The following PKIG variants were observed in gnomAD, a reference collection of about 807,000 sequenced individuals.
The protein encoded by PKIG is cAMP-dependent protein kinase inhibitor gamma, also known as protein kinase (cAMP-dependent, catalytic) inhibitor gamma.
A neutral mutation model predicts 6.8 loss-of-function variants in PKIG; 1 was observed. That is an observed-to-expected ratio of 0.15 (90% confidence interval 0.05 to 0.69). The LOEUF (loss-of-function observed/expected upper bound fraction) is 0.69. Ranked by LOEUF, PKIG falls within the 30% of genes least tolerant of loss-of-function variation. PKIG has a pLI of 0.82. For missense variants in PKIG, 77 were observed against 104.0 expected (o/e 0.74, Z 1.13); for synonymous variants, 39 against 43.0 (o/e 0.91, Z 0.36).
intron 2 of PKIG, among the ~76,000 whole-genome samples, chr20:44,610,452 GTCTCTCTCTT>G (rs1451965371): frequency 1.5e-5 from 2 of 136,234 alleles, no homozygotes; most frequent in Non-Finnish European, 3.1e-5. Flanking sequence ...CCTCTTCTCT[GTCTCTCTCTT>G]TCTCTCTCTC....
At chr20:44,603,468 G>A (rs548376614) in intron 2 of PKIG, among the ~76,000 whole-genome samples, 3 of 152,198 alleles carry the variant, frequency 2.0e-5, no homozygotes, top group African/African-American at 7.2e-5. Flanking sequence ...AACAAAGCTG[G>A]GCTGGACGAG....
At chr20:44,568,538 C>G (rs999871479) in intron 1 of PKIG, among the ~76,000 whole-genome samples, 1 of 151,968 alleles carries the variant, frequency 6.6e-6, no homozygotes, top group African/African-American at 2.4e-5. Flanking sequence ...ACAACCTCTG[C>G]CGCCTGGTTT....
chr20:44,560,688 A>G (rs904131949), intron 1 of PKIG, among the ~76,000 whole-genome samples: 1 of 152,182 alleles, frequency 6.6e-6, no homozygotes, highest in Admixed American at 6.5e-5. Context: ...AACTAAGCCA[A>G]CCCTCACAAT....
At chr20:44,577,053 A>G (rs1454478342) in intron 1 of PKIG, among the ~76,000 whole-genome samples, 1 of 152,090 alleles carries the variant, frequency 6.6e-6, no homozygotes, top group Non-Finnish European at 1.5e-5. Context: ...TGTGGGTTTG[A>G]TTCCCCATCC....
intron 1 of PKIG, among the ~76,000 whole-genome samples, chr20:44,553,821 A>G (rs1359298928): frequency 6.6e-6 from 1 of 152,126 alleles, no homozygotes; most frequent in East Asian, 1.9e-4. Flanking sequence ...AGGAAAAGGC[A>G]CCCAAGCTGA....
At chr20:44,604,261 A>G (rs894933274) in intron 2 of PKIG, among the ~76,000 whole-genome samples, 3 of 152,240 alleles carry the variant, frequency 2.0e-5, no homozygotes, top group African/African-American at 4.8e-5. Context: ...GTTACGGGTA[A>G]TAGGTTTTTG....
intron 1 of PKIG, among the ~76,000 whole-genome samples, chr20:44,536,818 T>C (rs2064516352): frequency 6.6e-6 from 1 of 152,260 alleles, no homozygotes. Flanking sequence ...CTTCTGTTAA[T>C]TTCCTTTTAT....
intron 1 of PKIG, among the ~76,000 whole-genome samples, chr20:44,584,887 C>G (rs2064977520): frequency 6.6e-6 from 1 of 152,034 alleles, no homozygotes. Context: ...CCACGCCCAG[C>G]TAATTTTTGT....
intron 1 of PKIG, among the ~76,000 whole-genome samples, chr20:44,560,365 C>T (rs988813506): frequency 6.6e-6 from 1 of 152,174 alleles, no homozygotes; most frequent in Admixed American, 6.6e-5. Flanking sequence ...TGGCTTTTAA[C>T]TTACAAGATA....
Position 44,534,615 on chromosome 20 carries a change from C to T in PKIG, c.-241+2637C>T, listed in dbSNP as rs185402114. On this transcript the variant is annotated intron_variant, in intron 1 of 4. Coordinates refer to the PKIG transcript ENST00000372887. ...CCCCAAGTAGCTGGGAATACAGGTG[C>T]GAGCCACCACACTCAGCTAATTTTT... 6.6e-5 allele frequency among the ~76,000 whole-genome samples: 10 copies of T among 151,904 alleles called. No homozygotes were observed. In the East Asian group the frequency reaches 9.7e-4, roughly 15 times the overall value.
chr20:44,575,599 G>A (rs1490335213), intron 1 of PKIG, among the ~76,000 whole-genome samples: 1 of 152,164 alleles, frequency 6.6e-6, no homozygotes. Context: ...GTACTGGAAG[G>A]GTACTAAGGT....
At chr20:44,548,711 C>A (rs969928187) in intron 1 of PKIG, among the ~76,000 whole-genome samples, 5 of 152,110 alleles carry the variant, frequency 3.3e-5, no homozygotes, top group African/African-American at 1.2e-4. Context: ...GCTCTGTCAT[C>A]CACACATCAC....
At position 44,614,655 on chromosome 20, in the gene PKIG, G is replaced by C. The variant is rs751246910; in HGVS notation, c.99G>C (p.Val33=). 1 of 1,614,062 alleles carries C rather than the reference G, an allele frequency of 6.2e-7. No individual in the cohort carries two copies. Among genetic ancestry groups the C allele is most frequent in the South Asian group, 1.1e-5 (1 of 91,078 alleles). The change falls in exon 3 of 4, where the codon GTG becomes GTC. Residue 33 remains valine (V), a synonymous_variant. Transcript: ENST00000372886. This position sits in a 1 kb window ranked among gnomAD's most constrained non-coding sequence, Gnocchi z 4.6. ...ACATCCAGGGAGACTCAGAGGCTGT[G>C]AGCGTGAGGAAGCTGGCTGGAGACA... The part of the protein sequence containing the change: ...VPDIQGDSEA[V]SVRKLAGDMG...
At chr20:44,578,468 C>T (rs1180631384), upstream of PKIG, among the ~76,000 whole-genome samples, 1 of 152,104 alleles carries the variant, frequency 6.6e-6, no homozygotes, top group Non-Finnish European at 1.5e-5. Context: ...GATCTGCCTG[C>T]CTTGGCCTCC....
chr20:44,561,215 T>G (rs2064764241), intron 1 of PKIG, among the ~76,000 whole-genome samples: 1 of 152,150 alleles, frequency 6.6e-6, no homozygotes, highest in African/African-American at 2.4e-5. Flanking sequence ...CGGGCGCCTG[T>G]GATCTCAGCT....
intron 1 of PKIG, among the ~76,000 whole-genome samples, chr20:44,558,042 T>TGC (rs5841558): frequency 2.0e-5 from 3 of 151,348 alleles, no homozygotes; most frequent in African/African-American, 7.4e-5. Flanking sequence ...TAATAAAACT[T>TGC]TGTCTTTAAA....
chr20:44,593,932 C>T (rs543364861), intron 2 of PKIG, among the ~76,000 whole-genome samples: 5 of 152,264 alleles, frequency 3.3e-5, no homozygotes, highest in African/African-American at 1.2e-4. Flanking sequence ...ATACCCTGAG[C>T]TGTTGTGTAA....
chr20:44,566,434 C>T (rs2064811413), intron 1 of PKIG, among the ~76,000 whole-genome samples: 1 of 152,228 alleles, frequency 6.6e-6, no homozygotes, highest in South Asian at 2.1e-4. Context: ...AACTTTTTGA[C>T]TTTGAAAATA....
intron 1 of PKIG, among the ~76,000 whole-genome samples, chr20:44,556,653 G>A (rs1474247612): frequency 2.6e-5 from 4 of 152,088 alleles, no homozygotes; most frequent in African/African-American, 7.2e-5. Context: ...ATGAGCCACC[G>A]CGCCTGGCCA....
Sources: gnomAD v4.1 joint callset for allele counts (sites outside exome capture counted in the v4.1 genomes callset) on GRCh38, gnomAD v4.1.1 for gene constraint, Gnocchi (gnomAD v3.1) non-coding constraint, MANE v1.5 for transcripts, NCBI Gene and HGNC (gene_info 2026-07-23, HGNC 2026-07-21) for gene names.